Variants in APAF1 observed in about 807,000 individuals in gnomAD.
APAF1 encodes apoptotic peptidase activating factor 1.
In APAF1, 91 loss-of-function variants were observed where a neutral mutation model predicts 152.4. The observed-to-expected ratio is 0.60, with a 90% CI of 0.50 to 0.71. The LOEUF is 0.71. Among genes scored for constraint, APAF1 ranks in the 30% least tolerant of loss-of-function variants. The pLI, the probability that APAF1 is intolerant of heterozygous loss-of-function variation, is 0.00. For missense variants in APAF1, 1,283 were observed against 1,472.0 expected (o/e 0.87, Z 2.10); for synonymous variants, 484 against 494.1 (o/e 0.98, Z 0.27).
chr12:98,660,391 G>A (rs2097663556), intron 5 of APAF1, among the ~76,000 whole-genome samples: 1 of 151,920 alleles, frequency 6.6e-6, no homozygotes, highest in Non-Finnish European at 1.5e-5. Flanking sequence ...GGGCTCTTCT[G>A]TTTGATTGTC....
At chr12:98,660,513 A>G (rs2097663703) in intron 5 of APAF1, among the ~76,000 whole-genome samples, 1 of 152,216 alleles carries the variant, frequency 6.6e-6, no homozygotes. Context: ...CATTATAATT[A>G]TGTGCCAGGC....
At chr12:98,647,705 G>GTTTTT (rs66849928) in intron 1 of APAF1, among the ~76,000 whole-genome samples, 1 of 105,552 alleles carries the variant, frequency 9.5e-6, no homozygotes, top group Non-Finnish European at 2.0e-5. Context: ...TCATGTTTCT[G>GTTTTT]TTTTTTTTTT....
At chr12:98,647,865 G>A (rs1371370926) in intron 1 of APAF1, among the ~76,000 whole-genome samples, 2 of 151,886 alleles carry the variant, frequency 1.3e-5, no homozygotes, top group African/African-American at 4.8e-5. Context: ...CATTTAGGTT[G>A]CGTTCATCAC....
intron 22 of APAF1, among the ~76,000 whole-genome samples, chr12:98,718,751 A>G (rs1213612274): frequency 2.6e-5 from 4 of 152,066 alleles, no homozygotes; most frequent in African/African-American, 9.7e-5. Flanking sequence ...CCTGGGCAAC[A>G]TAGCGAGACC....
chr12:98,665,412 GAAGTC>G, intron 7 of APAF1, 136 bp from the exon 8 acceptor site: 2 of 693,550 alleles, frequency 2.9e-6, no homozygotes, highest in Non-Finnish European at 5.1e-6. Context: ...ATCTAGAAGT[GAAGTC>G]AAGAGTGATA....
In APAF1 at chr12:98,659,082, C is replaced by G. The variant is rs778936197; in HGVS notation, c.527-78C>G. 1.0e-3 allele frequency: 1,402 copies of G among 1,391,034 alleles called. 22 individuals are homozygous for G. The highest frequency in any genetic ancestry group is 5.1e-5 in the Non-Finnish European group (50 of 979,384). 86.2% of individuals were successfully genotyped at this position (1,391,034 alleles called of 1,614,324 possible). On this transcript the variant is annotated intron_variant, in intron 4 of 26. Transcript: ENST00000551964. ...GATGGGATTGTAAATTGGAGTAAATCTGATGCTTAACAGTAAAACCATTTA... is the reference window on the plus strand; with the variant it reads ...GATGGGATTGTAAATTGGAGTAAATGTGATGCTTAACAGTAAAACCATTTA...
intron 16 of APAF1, among the ~76,000 whole-genome samples, chr12:98,687,943 A>T (rs1238006172): frequency 1.3e-5 from 2 of 152,000 alleles, no homozygotes; most frequent in African/African-American, 4.8e-5. Flanking sequence ...TCCCAAGTAG[A>T]TAGGAGTACA....
At chr12:98,692,645 A>G (rs79053765) in intron 16 of APAF1, among the ~76,000 whole-genome samples, 9,884 of 152,084 alleles carry the variant, frequency 0.065, 525 homozygotes, top group African/African-American at 0.15. Context: ...AACTTGTGGT[A>G]TTTGGTTTTC....
At chr12:98,712,456 G>C (rs1483933678) in intron 21 of APAF1, 21 bp downstream of exon 21, 2 of 1,241,016 alleles carry the variant, frequency 1.6e-6, no homozygotes, top group African/African-American at 3.0e-5. Context: ...CTAGTCTTCA[G>C]AATCTTTCTG....
At chr12:98,677,312 T>G (rs1253005193) in intron 12 of APAF1, 113 bp from the exon 13 acceptor site, 2 of 1,102,200 alleles carry the variant, frequency 1.8e-6, no homozygotes, top group Admixed American at 4.4e-5. Context: ...TTAAGAATTT[T>G]GTATTTTGGG....
intron 5 of APAF1, among the ~76,000 whole-genome samples, chr12:98,659,706 C>T (rs1038471429): frequency 6.1e-5 from 8 of 131,150 alleles, no homozygotes; most frequent in African/African-American, 1.7e-4. Context: ...GAGCCGAGAT[C>T]GTGCCATTGC....
At chr12:98,646,284 T>C (rs2097640263) in intron 1 of APAF1, among the ~76,000 whole-genome samples, 1 of 152,258 alleles carries the variant, frequency 6.6e-6, no homozygotes, top group Non-Finnish European at 1.5e-5. Context: ...AGGAACATTT[T>C]ATGTTTAAGA....
chr12:98,649,407 G>A, intron 3 of APAF1, 80 bp from the exon 4 acceptor site: 1 of 1,519,094 alleles, frequency 6.6e-7, no homozygotes, highest in East Asian at 2.3e-5. Context: ...CCTCAGCTTT[G>A]CTCTTTGTTT....
At chr12:98,665,940 T>G in intron 8 of APAF1, 149 bp downstream of exon 8, 1 of 779,658 alleles carries the variant, frequency 1.3e-6, no homozygotes, top group South Asian at 1.5e-5. Flanking sequence ...CCTCTGCTGT[T>G]AGCTTCCATT....
chr12:98,654,490 C>T (rs1385864800), intron 4 of APAF1, among the ~76,000 whole-genome samples: 1 of 152,174 alleles, frequency 6.6e-6, no homozygotes, highest in East Asian at 1.9e-4. Context: ...TCTCAGCTCA[C>T]TGCAACCTCT....
At chr12:98,713,942 G>T (rs1317880633) in intron 21 of APAF1, among the ~76,000 whole-genome samples, 10 of 152,072 alleles carry the variant, frequency 6.6e-5, no homozygotes, top group Admixed American at 6.6e-4. Context: ...GAGAGTTCAG[G>T]CTTTGTTTTC....
chr12:98,696,657 T>TTTTG (rs905414046), intron 16 of APAF1, among the ~76,000 whole-genome samples: 4 of 152,160 alleles, frequency 2.6e-5, no homozygotes, highest in African/African-American at 9.6e-5. Flanking sequence ...GGAGTGATCT[T>TTTTG]TTTGTTTGTT....
At position 98,732,505 on chromosome 12, in the gene APAF1, T is replaced by G. The variant is rs902945001; in HGVS notation, c.3686T>G (p.Phe1229Cys). The stretch of plus-strand genomic sequence containing the variant: ...AAGAAAATACACGTGTCCCCTGACT[T>G]CAAAACATATGTGACTGTGGATAAT... ...NLKKIHVSPD[F>C]KTYVTVDNLG... Residue 1229 changes from phenylalanine (F) to cysteine (C), a missense_variant, in exon 27 of 27, where the codon TTC (phenylalanine) becomes TGC (cysteine). By Grantham distance (205) the Phe-to-Cys change is radical. Transcript: ENST00000551964. 1 of 1,586,182 alleles carries G rather than the reference T, an allele frequency of 6.3e-7. No individual in the cohort carries two copies. Among genetic ancestry groups the G allele is most frequent in the Non-Finnish European group, 8.7e-7 (1 of 1,154,572 alleles).
intron 16 of APAF1, among the ~76,000 whole-genome samples, chr12:98,689,846 C>G (rs193028599): frequency 2.6e-5 from 4 of 152,254 alleles, no homozygotes; most frequent in Admixed American, 6.5e-5. Context: ...TAGGTAGAAA[C>G]TGCTTGGTTT....
Sources: gnomAD v4.1 joint callset for allele counts (sites outside exome capture counted in the v4.1 genomes callset) on GRCh38, gnomAD v4.1.1 for gene constraint, MANE v1.5 for transcripts, NCBI Gene and HGNC (gene_info 2026-07-23, HGNC 2026-07-21) for gene names.